The following TG variants were observed in gnomAD, a reference collection of about 807,000 sequenced individuals.
The protein encoded by TG is thyroid hormones.
In TG, 270 loss-of-function variants were observed where a neutral mutation model predicts 324.7. The observed-to-expected ratio is 0.83, with a 90% CI of 0.75 to 0.92. The LOEUF (loss-of-function observed/expected upper bound fraction) is 0.92. Ranked by LOEUF, TG falls within the 40% of genes least tolerant of loss-of-function variation. TG has a pLI of 0.00. For missense variants in TG, 3,591 were observed against 3,456.4 expected (o/e 1.04, Z -0.98); for synonymous variants, 1,401 against 1,327.0 (o/e 1.06, Z -1.21).
intron 41 of TG, among the ~76,000 whole-genome samples, chr8:133,031,176 C>A (rs1836606246): frequency 6.6e-6 from 1 of 152,184 alleles, no homozygotes; most frequent in Non-Finnish European, 1.5e-5. Flanking sequence ...TCTCTATCCA[C>A]TTGCCTGTTG....
chr8:133,065,985 G>A (rs574256721), intron 41 of TG, among the ~76,000 whole-genome samples: 58 of 152,162 alleles, frequency 3.8e-4, no homozygotes, highest in African/African-American at 1.3e-3. Context: ...ACAAGAGAGC[G>A]AGGCCAGTTG....
chr8:132,940,704 G>A (rs1307354981), intron 25 of TG, among the ~76,000 whole-genome samples: 3 of 152,216 alleles, frequency 2.0e-5, no homozygotes, highest in Admixed American at 2.0e-4. Context: ...ACAGCCCCTG[G>A]GTGGGGCCAG....
chr8:132,887,179 C>G lies in TG; in HGVS notation c.1807C>G (p.Leu603Val), dbSNP rs1461282932. The stretch of plus-strand genomic sequence containing the variant: ...TTTAGGTGATGTGATGGAAACGGTA[C>G]TCAGCTCCCAGACCTGTGAGCAGAC... ...RDLGDVMETV[L>V]SSQTCEQTPE... is the part of the protein sequence containing the mutation. Residue 603 changes from leucine to valine, a missense_variant, in exon 9 of 48, where the codon CTC (leucine) becomes GTC (valine). By Grantham distance (32) the Leu-to-Val change is conservative (BLOSUM62 1). Coordinates refer to ENST00000220616, the MANE Select transcript of TG (RefSeq NM_003235.5). 19 of 1,614,024 alleles carry G rather than the reference C, an allele frequency of 1.2e-5. No homozygotes were observed. The highest frequency in any genetic ancestry group is 1.4e-5 in the Non-Finnish European group (16 of 1,179,922).
chr8:133,018,888 A>G lies in TG; in HGVS notation c.6783-714A>G, dbSNP rs371568932. Reference sequence around the variant, plus strand: ...AAAGTACTCCAGGAAAAGGGTGATAAGGGCTTCAGCTAGGATGGTGGCAGT... The same window carrying G: ...AAAGTACTCCAGGAAAAGGGTGATAGGGGCTTCAGCTAGGATGGTGGCAGT... On this transcript the variant is annotated intron_variant, in intron 38 of 47. Transcript: ENST00000220616. Among the ~76,000 whole-genome samples, 5 of 152,332 alleles carry G rather than the reference A, an allele frequency of 3.3e-5. 1 individual carries two copies. Among genetic ancestry groups the G allele is most frequent in the African/African-American group, 1.2e-4 (5 of 41,578 alleles).
Position 133,134,825 on chromosome 8 carries a change from C to A in TG, c.*31C>A. On this transcript the variant is annotated 3_prime_UTR_variant, in exon 48 of 48. Transcript: ENST00000220616. ...CCTTGAGCTCCCCAAAAACCTCACCCGAGGCTGCCCACTATGGTCATCTTT... is the reference window on the plus strand; with the variant it reads ...CCTTGAGCTCCCCAAAAACCTCACCAGAGGCTGCCCACTATGGTCATCTTT... 6.4e-7 allele frequency: 1 copy of A among 1,565,252 alleles called. No homozygotes were observed. The highest frequency in any genetic ancestry group is 1.3e-5 in the African/African-American group (1 of 74,110).
In TG at chr8:132,903,905, C is replaced by T. The variant is rs532461324; in HGVS notation, c.3634+2352C>T. 2.6e-5 allele frequency among the ~76,000 whole-genome samples: 4 copies of T among 152,338 alleles called. No individual in the cohort carries two copies. In the East Asian group the frequency reaches 7.7e-4, roughly 29 times the overall value. ...TTATTAGCACTAATTAAGACAATCT[C>T]TGTAAACTGTTGAGCACTGGAATTA... On this transcript the variant is annotated intron_variant, in intron 16 of 47. Transcript: ENST00000220616.
chr8:133,069,710 G>A (rs1243877175), intron 41 of TG, among the ~76,000 whole-genome samples: 1 of 152,138 alleles, frequency 6.6e-6, no homozygotes, highest in African/African-American at 2.4e-5. Flanking sequence ...GTTAGAAACA[G>A]AAGAAAAAGG....
chr8:132,963,150 C>A, intron 29 of TG, 76 bp downstream of exon 29: 2 of 1,338,236 alleles, frequency 1.5e-6, no homozygotes, highest in South Asian at 1.2e-5. Context: ...AGAGTTTAAT[C>A]AATGAACGGA....
chr8:133,017,777 G>A lies in TG; in HGVS notation c.6563-1G>A. 1 of 1,614,136 alleles carries A rather than the reference G, an allele frequency of 6.2e-7. No homozygotes were observed. The highest frequency in any genetic ancestry group is 8.5e-7 in the Non-Finnish European group (1 of 1,180,010). The stretch of plus-strand genomic sequence containing the variant: ...CCCCTTTCTCTTCCCTTTCCCAACA[G>A]GAATCTCTCTGCTCAGCTATGAGGC... On this transcript the variant is annotated splice_acceptor_variant, in intron 37 of 47. Transcript: ENST00000220616. LOFTEE classifies it high-confidence loss of function.
At chr8:132,945,808 G>A (rs1451668894) in intron 26 of TG, among the ~76,000 whole-genome samples, 3 of 152,154 alleles carry the variant, frequency 2.0e-5, no homozygotes, top group Admixed American at 6.5e-5. Flanking sequence ...GCATGGTGAG[G>A]AAGTTGTCAA....
chr8:133,099,209 G>A (rs1009211468), intron 43 of TG, among the ~76,000 whole-genome samples: 1 of 152,166 alleles, frequency 6.6e-6, no homozygotes, highest in South Asian at 2.1e-4. Flanking sequence ...GCTCCATGGC[G>A]GTCATCCCAG....
chr8:132,964,010 G>A (rs894190452), intron 29 of TG, among the ~76,000 whole-genome samples: 1 of 151,922 alleles, frequency 6.6e-6, no homozygotes, highest in Non-Finnish European at 1.5e-5. Context: ...ACAGTGCCTG[G>A]TACTTAACAC....
Position 132,929,106 on chromosome 8 carries a change from CA to C in TG, c.4733del (p.Lys1578ArgfsTer2). 1 of 1,614,020 alleles carries C rather than the reference CA, an allele frequency of 6.2e-7. No individual in the cohort carries two copies. The highest frequency in any genetic ancestry group is 8.5e-7 in the Non-Finnish European group (1 of 1,180,014). On this transcript the variant is annotated frameshift_variant, in exon 23 of 48. Coordinates refer to ENST00000220616, the MANE Select transcript of TG (RefSeq NM_003235.5). LOFTEE classifies it high-confidence loss of function. ...MMQKFEKVPE[S>X]KVIFDANAPV... ...CAGAAGTTTGAGAAGGTTCCAGAAT[CA>C]AAGGTGATCTTCGACGCCAATGCTC...
intron 20 of TG, among the ~76,000 whole-genome samples, chr8:132,918,153 C>T (rs138446390): frequency 1.3e-5 from 2 of 152,124 alleles, no homozygotes; most frequent in African/African-American, 4.8e-5. Flanking sequence ...ACGGAGAGAA[C>T]CGGTGGGAGG....
At chr8:132,917,843 T>A (rs545618798) in intron 20 of TG, among the ~76,000 whole-genome samples, 3 of 151,988 alleles carry the variant, frequency 2.0e-5, no homozygotes. Context: ...TAGGTATAAC[T>A]GTCTTATTTT....
intron 41 of TG, among the ~76,000 whole-genome samples, chr8:133,084,894 G>A (rs889172313): frequency 6.6e-6 from 1 of 152,250 alleles, no homozygotes; most frequent in Non-Finnish European, 1.5e-5. Context: ...TTGGCACATA[G>A]AGGGTGGGTA....
At chr8:132,909,899 T>C (rs2687831) in intron 18 of TG, among the ~76,000 whole-genome samples, 62,461 of 152,106 alleles carry the variant, frequency 0.41, 15,618 homozygotes, top group Admixed American at 0.54. Flanking sequence ...CATTTCTCAG[T>C]CTCTCAGAGG....
intron 41 of TG, among the ~76,000 whole-genome samples, chr8:133,046,027 C>T (rs1284112134): frequency 6.6e-6 from 1 of 152,134 alleles, no homozygotes; most frequent in Non-Finnish European, 1.5e-5. Context: ...ACGTGAAAGG[C>T]GGGTTATTGC....
At chr8:133,018,989 G>A (rs1835312189) in intron 38 of TG, among the ~76,000 whole-genome samples, 1 of 152,260 alleles carries the variant, frequency 6.6e-6, no homozygotes, top group South Asian at 2.1e-4. Flanking sequence ...GAATTAAAGT[G>A]CCTTACCATG....
Sources: gnomAD v4.1 joint callset for allele counts (sites outside exome capture counted in the v4.1 genomes callset) on GRCh38, gnomAD v4.1.1 for gene constraint, MANE v1.5 for transcripts, NCBI Gene and HGNC (gene_info 2026-07-23, HGNC 2026-07-21) for gene names.